TANC1: variants seen among roughly 807,000 people sequenced by gnomAD.
TANC1 encodes tetratricopeptide repeat, ankyrin repeat and coiled-coil containing 1.
A neutral mutation model predicts 149.7 loss-of-function variants in TANC1; 77 were observed. That is an observed-to-expected ratio of 0.51 (90% CI 0.43 to 0.62). The LOEUF (loss-of-function observed/expected upper bound fraction) is 0.62. TANC1 is among the 20% of genes least tolerant of loss of function. The probability of loss-of-function intolerance (pLI) is 0.00; values close to 1 mark genes in which losing one functional copy is unlikely to be tolerated. For missense variants in TANC1, 1,985 were observed against 2,321.8 expected (o/e 0.85, Z 2.98); for synonymous variants, 854 against 925.0 (o/e 0.92, Z 1.39).
At chr2:159,046,527 G>A (rs1303261672) in intron 2 of TANC1, among the ~76,000 whole-genome samples, 1 of 147,928 alleles carries the variant, frequency 6.8e-6, no homozygotes, top group Non-Finnish European at 1.5e-5. Context: ...TGATTCTGCT[G>A]ATCATTCCTC....
chr2:159,180,456 G>A (rs1240931333), intron 14 of TANC1, among the ~76,000 whole-genome samples: 2 of 152,182 alleles, frequency 1.3e-5, no homozygotes, highest in African/African-American at 4.8e-5. Flanking sequence ...TCTTCATTAA[G>A]CTTCGCTTCA....
intron 4 of TANC1, among the ~76,000 whole-genome samples, chr2:159,115,399 G>A (rs2048146245): frequency 6.6e-6 from 1 of 152,184 alleles, no homozygotes; most frequent in Admixed American, 6.5e-5. Context: ...ACTCTGCAGG[G>A]GAATGTGCAG....
At chr2:159,071,308 T>A (rs775658649) in intron 3 of TANC1, among the ~76,000 whole-genome samples, 5 of 152,206 alleles carry the variant, frequency 3.3e-5, no homozygotes, top group Non-Finnish European at 7.3e-5. Context: ...TAAAAACTGT[T>A]TATGTTAAGT....
At chr2:159,157,840 G>T (rs1189458115) in intron 7 of TANC1, among the ~76,000 whole-genome samples, 2 of 152,202 alleles carry the variant, frequency 1.3e-5, no homozygotes, top group Non-Finnish European at 2.9e-5. Flanking sequence ...TTCTTCAGTT[G>T]TGTGGGGAGG....
At chr2:159,190,113 G>A (rs1314185744) in intron 16 of TANC1, among the ~76,000 whole-genome samples, 2 of 152,218 alleles carry the variant, frequency 1.3e-5, no homozygotes, top group Non-Finnish European at 2.9e-5. Context: ...AAGAGTACCT[G>A]TTAGATAGAA....
At chr2:159,048,442 C>T (rs1360970683) in intron 2 of TANC1, among the ~76,000 whole-genome samples, 1 of 152,120 alleles carries the variant, frequency 6.6e-6, no homozygotes, top group Non-Finnish European at 1.5e-5. Flanking sequence ...TCATGCTGCT[C>T]GCCCTCAGAG....
At chr2:159,068,079 G>A (rs562974598) in intron 3 of TANC1, among the ~76,000 whole-genome samples, 3 of 152,184 alleles carry the variant, frequency 2.0e-5, no homozygotes, top group Non-Finnish European at 4.4e-5. Context: ...TGCATGGTAT[G>A]TGCCTTTTTG....
At chr2:159,218,459 T>A (rs1449740455) in intron 20 of TANC1, among the ~76,000 whole-genome samples, 3 of 152,158 alleles carry the variant, frequency 2.0e-5, no homozygotes, top group Non-Finnish European at 4.4e-5. Flanking sequence ...GTGTCCTAAG[T>A]CACGGGGAAT....
intron 1 of TANC1, among the ~76,000 whole-genome samples, chr2:158,999,821 A>G (rs139450501): frequency 8.9e-4 from 136 of 152,316 alleles, no homozygotes; most frequent in Non-Finnish European, 1.5e-3. Flanking sequence ...TGGCACTTTG[A>G]TTCGCAATGG....
intron 3 of TANC1, among the ~76,000 whole-genome samples, chr2:159,093,073 G>A (rs1214829728): frequency 6.6e-6 from 1 of 152,196 alleles, no homozygotes; most frequent in Non-Finnish European, 1.5e-5. Context: ...TGTCTGTGGT[G>A]TGTAAATGTT....
chr2:158,978,209 C>A (rs1030923291), intron 1 of TANC1, among the ~76,000 whole-genome samples: 1 of 152,142 alleles, frequency 6.6e-6, no homozygotes, highest in Non-Finnish European at 1.5e-5. Context: ...GACAGAGAAT[C>A]CACAGTTGTT....
intron 4 of TANC1, among the ~76,000 whole-genome samples, chr2:159,106,008 A>G (rs1016177612): frequency 6.6e-6 from 1 of 151,908 alleles, no homozygotes; most frequent in African/African-American, 2.4e-5. Flanking sequence ...TTTCCATCTA[A>G]TTAGGTTACA....
chr2:159,050,099 G>A (rs1244582094), intron 2 of TANC1, among the ~76,000 whole-genome samples: 2 of 152,114 alleles, frequency 1.3e-5, no homozygotes, highest in Non-Finnish European at 2.9e-5. Context: ...AAAATGCTTA[G>A]GAATACATAG....
At chr2:159,117,287 A>C (rs933112021) in intron 4 of TANC1, among the ~76,000 whole-genome samples, 4 of 152,248 alleles carry the variant, frequency 2.6e-5, no homozygotes, top group Non-Finnish European at 5.9e-5. Context: ...CAAAGAATGC[A>C]GAGTTCCCGT....
intron 4 of TANC1, among the ~76,000 whole-genome samples, chr2:159,112,348 C>T (rs764103822): frequency 6.6e-6 from 1 of 152,084 alleles, no homozygotes; most frequent in Non-Finnish European, 1.5e-5. Flanking sequence ...CTCCCCCTCA[C>T]AGGTGCAAGT....
intron 1 of TANC1, among the ~76,000 whole-genome samples, chr2:158,973,798 T>C (rs761376170): frequency 6.6e-6 from 1 of 152,226 alleles, no homozygotes; most frequent in Non-Finnish European, 1.5e-5. Context: ...GTTGTTGTGA[T>C]GTACACCCCT....
chr2:159,074,982 A>G (rs1279501772), intron 3 of TANC1, among the ~76,000 whole-genome samples: 1 of 151,996 alleles, frequency 6.6e-6, no homozygotes, highest in Admixed American at 6.6e-5. Context: ...ATCCAACCTA[A>G]TTGTCTCCCA....
chr2:159,199,026 G>A lies in TANC1; in HGVS notation c.3217G>A (p.Gly1073Ser), dbSNP rs1429562826. The part of the protein sequence containing the change: ...MEKEHEVEVN[G>S]TDTLWGETAL... ...GAAGGAACATGAAGTAGAAGTCAAT[G>A]GCACCGACACATTGTGGGGAGAAAC... is the stretch of plus-strand genomic sequence containing the variant. Residue 1073 changes from glycine (G) to serine (S), a missense_variant, in exon 19 of 27, where the codon GGC (glycine) becomes AGC (serine). Around this residue, in one of 3 missense-constraint regions of TANC1, gnomAD observed 920 missense variants for 994.7 expected, o/e 0.92. Transcript: ENST00000263635. 3 of 1,614,028 alleles carry A rather than the reference G, an allele frequency of 1.9e-6. No homozygotes were observed. Among genetic ancestry groups the A allele is most frequent in the East Asian group, 2.2e-5 (1 of 44,866 alleles).
Position 159,174,226 on chromosome 2 carries a change from C to T in TANC1, c.1504-727C>T, listed in dbSNP as rs10198954. 4.0e-3 allele frequency among the ~76,000 whole-genome samples: 608 copies of T among 152,296 alleles called. 2 individuals carry two copies. The highest frequency in any genetic ancestry group is 0.014 in the African/African-American group (591 of 41,556). ...CCAACACTTCAGCGTCTGGCCCTTTCGTGGGGTCCCTCTCACAAACAGCCT... is the reference window on the plus strand; with the variant it reads ...CCAACACTTCAGCGTCTGGCCCTTTTGTGGGGTCCCTCTCACAAACAGCCT... On this transcript the variant is annotated intron_variant, in intron 11 of 26. Coordinates refer to ENST00000263635, the MANE Select transcript of TANC1 (RefSeq NM_033394.3).
Sources: allele counts gnomAD v4.1 joint callset (sites outside exome capture counted in the v4.1 genomes callset), GRCh38; gene constraint gnomAD v4.1.1; regional missense constraint gnomAD v4.1.1; transcripts MANE v1.5; gene names NCBI Gene and HGNC (gene_info 2026-07-23, HGNC 2026-07-21).